PDGFRA: variants seen among roughly 807,000 people sequenced by gnomAD.
The protein encoded by PDGFRA is platelet-derived growth factor receptor alpha.
Under a neutral mutation model 121.5 loss-of-function variants are expected in PDGFRA, and 25 were observed. That is an observed-to-expected ratio of 0.21 (90% confidence interval 0.15 to 0.29). The LOEUF (loss-of-function observed/expected upper bound fraction) is 0.29. Ranked by LOEUF, PDGFRA falls within the 10% of genes least tolerant of loss-of-function variation. PDGFRA has a pLI of 1.00. For synonymous variants in PDGFRA, 463 were observed against 494.8 expected (o/e 0.94, Z 0.85); for missense variants, 1,008 against 1,345.1 (o/e 0.75, Z 3.92).
chr4:54,258,647 A>G, intron 1 of PDGFRA, 110 bp from the exon 2 acceptor site: 2 of 788,342 alleles, frequency 2.5e-6, no homozygotes, highest in Admixed American at 3.5e-5. Context: ...GACATGTTTG[A>G]CTAAAATGAT....
intron 1 of PDGFRA, among the ~76,000 whole-genome samples, chr4:54,243,882 G>A (rs146012946): frequency 6.6e-5 from 10 of 152,270 alleles, no homozygotes; most frequent in East Asian, 1.9e-4. Flanking sequence ...CTTTTCCGAC[G>A]GGCTTAAAAA....
In PDGFRA at chr4:54,296,932, C is replaced by T. The variant is rs1724909200; in HGVS notation, c.*1660C>T. 1 of 232,914 alleles carries T rather than the reference C, an allele frequency of 4.3e-6. No individual in the cohort carries two copies. The allele number at this position is 232,914 out of a possible 1,614,324, so 14.4% of individuals were successfully genotyped here. On this transcript the variant is annotated 3_prime_UTR_variant, in exon 23 of 23. Coordinates refer to ENST00000257290, the MANE Select transcript of PDGFRA (RefSeq NM_006206.6). ...TAAAGTTTGGTTTTGACAGGTTTTC[C>T]AAAAGTAAAGATGCTACTTCCCACT...
intron 1 of PDGFRA, among the ~76,000 whole-genome samples, chr4:54,254,182 C>T (rs1453164752): frequency 1.3e-5 from 2 of 152,176 alleles, no homozygotes; most frequent in African/African-American, 4.8e-5. Context: ...TGAGGAAAGT[C>T]CCCATCTTTC....
intron 22 of PDGFRA, among the ~76,000 whole-genome samples, chr4:54,290,844 A>G (rs1044256680): frequency 3.3e-4 from 51 of 152,334 alleles, no homozygotes; most frequent in African/African-American, 1.1e-3. Context: ...AAATTGATAC[A>G]GAACTGTGAT....
chr4:54,296,437 A>G lies in PDGFRA; in HGVS notation c.*1165A>G, dbSNP rs80118193. 9.3e-6 allele frequency: 2 copies of G among 214,344 alleles called. No homozygotes were observed. The highest frequency in any genetic ancestry group is 1.9e-5 in the Non-Finnish European group (2 of 107,664). The allele number at this position is 214,344 out of a possible 1,614,324, so 13.3% of individuals were successfully genotyped here. A position where few individuals can be genotyped will look rare whatever the true frequency, so the allele number is the denominator to read the frequency against. ...CCCAATATATGTATTTTTTGAATCT[A>G]TGAACCTGAAAAGGGTCAGAAGGAT... On this transcript the variant is annotated 3_prime_UTR_variant, in exon 23 of 23. Transcript: ENST00000257290.
At chr4:54,285,304 A>G in intron 16 of PDGFRA, 67 bp from the exon 17 acceptor site, 1 of 784,672 alleles carries the variant, frequency 1.3e-6, no homozygotes, top group Admixed American at 1.7e-5. Flanking sequence ...TTCTTTGGGC[A>G]TGCCTCTGCA....
chr4:54,241,118 T>A (rs1308065387), intron 1 of PDGFRA, among the ~76,000 whole-genome samples: 2 of 152,272 alleles, frequency 1.3e-5, no homozygotes, highest in Non-Finnish European at 2.9e-5. Context: ...TAACTCTGTA[T>A]AAATGTGCCA....
intron 1 of PDGFRA, among the ~76,000 whole-genome samples, chr4:54,236,902 A>T (rs564194627): frequency 6.6e-6 from 1 of 152,274 alleles, no homozygotes; most frequent in African/African-American, 2.4e-5. Context: ...TGGGGTTTGG[A>T]ATCTTAAGCA....
Position 54,290,687 on chromosome 4 carries a change from C to G in PDGFRA, c.3122+133C>G, listed in dbSNP as rs1379290505. 4.0e-6 allele frequency: 4 copies of G among 996,692 alleles called. No individual in the cohort carries two copies. The African/African-American group carries it at 6.3e-5, about 16-fold the overall frequency. The allele number at this position is 996,692 out of a possible 1,614,324, so 61.7% of individuals were successfully genotyped here. A position where few individuals can be genotyped will look rare whatever the true frequency, so the allele number is the denominator to read the frequency against. ...ACTCAGGGACAAGTTGCAGAATCCT[C>G]AGGAGGTCCACGTGGTTTTGAAAAT... On this transcript the variant is annotated intron_variant, in intron 22 of 22. Coordinates refer to ENST00000257290, the MANE Select transcript of PDGFRA (RefSeq NM_006206.6).
chr4:54,246,829 TAAAG>T (rs1187481907), intron 1 of PDGFRA, among the ~76,000 whole-genome samples: 1 of 140,142 alleles, frequency 7.1e-6, no homozygotes, highest in Non-Finnish European at 1.6e-5. Flanking sequence ...GCAAGACTAA[TAAAG>T]AAGAAAAGAG....
At chr4:54,287,303 A>G in intron 18 of PDGFRA, 127 bp from the exon 19 acceptor site, 1 of 754,310 alleles carries the variant, frequency 1.3e-6, no homozygotes, top group East Asian at 2.4e-5. Flanking sequence ...CATGTAAAAG[A>G]CACTCAAATG....
chr4:54,264,803 C>G, intron 4 of PDGFRA, 116 bp from the exon 5 acceptor site: 1 of 961,342 alleles, frequency 1.0e-6, no homozygotes, highest in South Asian at 1.4e-5. Context: ...CTTGATCAAA[C>G]TGGTTTGCAA....
chr4:54,296,873 T>C lies in PDGFRA; in HGVS notation c.*1601T>C, dbSNP rs1724907647. On this transcript the variant is annotated 3_prime_UTR_variant, in exon 23 of 23. Transcript: ENST00000257290. ...TCTAGCTAGCAATTGCGACCTTAAT[T>C]TAACTTTCCAGTCTTAGCTGAGGCT... 2 of 232,972 alleles carry C rather than the reference T, an allele frequency of 8.6e-6. No individual in the cohort carries two copies. The allele number at this position is 232,972 out of a possible 1,614,324, so 14.4% of individuals were successfully genotyped here. A position where few individuals can be genotyped will look rare whatever the true frequency, so the allele number is the denominator to read the frequency against.
At position 54,272,466 on chromosome 4, in the gene PDGFRA, C is replaced by T. The variant is rs1553904029; in HGVS notation, c.1310C>T (p.Ala437Val). Residue 437 changes from alanine (A) to valine (V), a missense_variant, in exon 9 of 23, where the codon GCT (alanine) becomes GTT (valine). This residue lies in a region of PDGFRA where 575 missense variants were observed against 701.8 expected (regional missense o/e 0.82). Coordinates refer to ENST00000257290, the MANE Select transcript of PDGFRA (RefSeq NM_006206.6). ...GGGGGACAGACGGTGAGGTGCACAG[C>T]TGAAGGCACGCCGCTTCCTGATATT... ...STGGQTVRCT[A>V]EGTPLPDIEW... 2 of 1,613,996 alleles carry T rather than the reference C, an allele frequency of 1.2e-6. No homozygotes were observed. Among genetic ancestry groups the T allele is most frequent in the Non-Finnish European group, 1.7e-6 (2 of 1,179,930 alleles).
intron 2 of PDGFRA, among the ~76,000 whole-genome samples, chr4:54,259,118 G>A (rs866826386): frequency 5.9e-5 from 9 of 152,046 alleles, no homozygotes; most frequent in East Asian, 1.9e-4. Flanking sequence ...CTTTTCCTAG[G>A]ACAAGGCTTC....
Position 54,297,034 on chromosome 4 carries a change from C to G in PDGFRA, c.*1762C>G, listed in dbSNP as rs965577999. Reference sequence around the variant, plus strand: ...ATACCCCGCCAAGGAAAGGCATGTACAAAAATTATGCAATTCAGTGTTCCA... The same window carrying G: ...ATACCCCGCCAAGGAAAGGCATGTAGAAAAATTATGCAATTCAGTGTTCCA... On this transcript the variant is annotated 3_prime_UTR_variant, in exon 23 of 23. Transcript: ENST00000257290. The G allele has an allele frequency of 4.3e-6, 1 of 233,084 alleles. No individual in the cohort carries two copies. Among genetic ancestry groups the G allele is most frequent in the East Asian group, 6.0e-5 (1 of 16,594 alleles). 14.4% of individuals were successfully genotyped at this position (233,084 alleles called of 1,614,324 possible).
At chr4:54,239,212 C>A (rs894677847) in intron 1 of PDGFRA, among the ~76,000 whole-genome samples, 4 of 152,312 alleles carry the variant, frequency 2.6e-5, no homozygotes, top group African/African-American at 9.6e-5. Flanking sequence ...AGGGGAGGAA[C>A]CCTCAGTCCT....
rs1416375704 is a variant in PDGFRA, at chr4:54,267,637, G to T, written c.1017G>T (p.Val339=). The T allele has an allele frequency of 1.9e-6, 3 of 1,614,012 alleles. No individual in the cohort carries two copies. Among genetic ancestry groups the T allele is most frequent in the African/African-American group, 2.7e-5 (2 of 74,916 alleles). Residue 339 remains valine, a synonymous_variant, in exon 7 of 23, where the codon GTG becomes GTT. Coordinates refer to ENST00000257290, the MANE Select transcript of PDGFRA (RefSeq NM_006206.6). ...AAGTCAAACATTTTGTTGTAGAGGT[G>T]CGGGCCTACCCACCTCCCAGGATAT... ...LHEVKHFVVE[V]RAYPPPRISW... is the part of the protein sequence containing the mutation.
At chr4:54,278,223 T>TAAAAAAAAAAAAAAAAAAA (rs5858262) in intron 14 of PDGFRA, 139 bp from the exon 15 acceptor site, 1 of 486,072 alleles carries the variant, frequency 2.1e-6, no homozygotes, top group African/African-American at 2.7e-5. Context: ...GGCTCTTTAT[T>TAAAAAAAAAAAAAAAAAAA]AAAAAAAAAA....
Sources: allele counts gnomAD v4.1 joint callset (sites outside exome capture counted in the v4.1 genomes callset), GRCh38; gene constraint gnomAD v4.1.1; regional missense constraint gnomAD v4.1.1; transcripts MANE v1.5; gene names NCBI Gene and HGNC (gene_info 2026-07-23, HGNC 2026-07-21).